Variants in TAX1BP1 observed in about 807,000 individuals in gnomAD.
The protein encoded by TAX1BP1 is tax1-binding protein 1.
Under a neutral mutation model 97.7 loss-of-function variants are expected in TAX1BP1, and 62 were observed. The ratio of observed to expected loss-of-function variants is 0.63; its 90% CI spans 0.52 to 0.78. The LOEUF is 0.78. Ranked by LOEUF, TAX1BP1 falls within the 30% of genes least tolerant of loss-of-function variation. The probability of loss-of-function intolerance (pLI) is 0.00; values close to 1 mark genes in which losing one functional copy is unlikely to be tolerated. For missense variants in TAX1BP1, 867 were observed against 916.1 expected (o/e 0.95, Z 0.69); for synonymous variants, 340 against 304.2 (o/e 1.12, Z -1.23).
intron 15 of TAX1BP1, among the ~76,000 whole-genome samples, chr7:27,825,458 C>G (rs1245929014): frequency 6.6e-6 from 1 of 152,104 alleles, no homozygotes; most frequent in Non-Finnish European, 1.5e-5. Flanking sequence ...TGCATACTCT[C>G]TGATTTCAAC....
chr7:27,824,102 C>T (rs1165634946), intron 15 of TAX1BP1, among the ~76,000 whole-genome samples: 2 of 152,102 alleles, frequency 1.3e-5, no homozygotes, highest in Admixed American at 6.6e-5. Flanking sequence ...CATATCTGTT[C>T]AAGTCCTTGC....
chr7:27,787,364 C>A, intron 7 of TAX1BP1, 54 bp from the exon 8 acceptor site: 2 of 1,428,574 alleles, frequency 1.4e-6, no homozygotes, highest in South Asian at 3.0e-5. Flanking sequence ...TAAACTTTGA[C>A]TAACTTAGGT....
At chr7:27,791,405 A>G (rs1011942742) in intron 8 of TAX1BP1, among the ~76,000 whole-genome samples, 1 of 152,200 alleles carries the variant, frequency 6.6e-6, no homozygotes, top group Non-Finnish European at 1.5e-5. Flanking sequence ...TTAGCTTTTT[A>G]AAGATACTTT....
intron 2 of TAX1BP1, among the ~76,000 whole-genome samples, chr7:27,750,880 G>A (rs1787995565): frequency 6.6e-6 from 1 of 152,050 alleles, no homozygotes; most frequent in South Asian, 2.1e-4. Context: ...CAAGACTATT[G>A]CAATAGGTCA....
chr7:27,772,515 AAT>A (rs1426540898), intron 5 of TAX1BP1: 7 of 152,106 alleles, frequency 4.6e-5, no homozygotes, highest in Non-Finnish European at 8.8e-5. Context: ...TTTATAAAAT[AAT>A]ATGACTAGCT....
intron 1 of TAX1BP1, among the ~76,000 whole-genome samples, chr7:27,743,459 ACT>A (rs1411111287): frequency 1.3e-5 from 2 of 152,206 alleles, no homozygotes; most frequent in African/African-American, 4.8e-5. Context: ...ACTTTCAGTA[ACT>A]CTATCAACCA....
chr7:27,766,439 A>ATCG (rs1788644273), intron 4 of TAX1BP1, among the ~76,000 whole-genome samples: 1 of 55,662 alleles, frequency 1.8e-5, no homozygotes, highest in African/African-American at 6.5e-5. Context: ...AAAAAAAAAA[A>ATCG]AAAAAAAAAA....
At chr7:27,822,386 C>T (rs1165541085) in intron 15 of TAX1BP1, among the ~76,000 whole-genome samples, 1 of 152,264 alleles carries the variant, frequency 6.6e-6, no homozygotes, top group Non-Finnish European at 1.5e-5. Flanking sequence ...TAGTGGAAAT[C>T]CTAGGAGTGG....
intron 13 of TAX1BP1, among the ~76,000 whole-genome samples, chr7:27,803,603 GTAT>G (rs1790225056): frequency 6.6e-6 from 1 of 152,190 alleles, no homozygotes; most frequent in Admixed American, 6.5e-5. Context: ...AACTGCTTGT[GTAT>G]TATTATGAAT....
chr7:27,778,008 T>C (rs1789102479), intron 5 of TAX1BP1, among the ~76,000 whole-genome samples: 2 of 152,210 alleles, frequency 1.3e-5, no homozygotes, highest in Non-Finnish European at 2.9e-5. Flanking sequence ...GAGAAATGTT[T>C]ATTTAGAGGA....
chr7:27,800,100 G>A lies in TAX1BP1; in HGVS notation c.1764+10G>A, dbSNP rs769330451. The A allele has an allele frequency of 1.3e-6, 2 of 1,561,680 alleles. No individual in the cohort carries two copies. The highest frequency in any genetic ancestry group is 1.7e-6 in the Non-Finnish European group (2 of 1,156,144). On this transcript the variant is annotated intron_variant, in intron 13 of 16. Transcript: ENST00000396319. ...ACAGGACAATTATAAAGTAAGTTTG[G>A]TACTCCTTGTATGTAAACTTAAGGC...
intron 13 of TAX1BP1, 50 bp downstream of exon 13, chr7:27,800,140 ATTAG>A: frequency 6.8e-7 from 1 of 1,468,498 alleles, no homozygotes; most frequent in Non-Finnish European, 9.1e-7. Flanking sequence ...ACTTCTGAAA[ATTAG>A]TTATGTATAA....
intron 8 of TAX1BP1, among the ~76,000 whole-genome samples, chr7:27,788,694 A>C (rs996176921): frequency 6.6e-6 from 1 of 151,940 alleles, no homozygotes. Flanking sequence ...GAACCTTTTC[A>C]AGCCTGCTTT....
chr7:27,759,384 G>C (rs1307301281), intron 3 of TAX1BP1, among the ~76,000 whole-genome samples: 1 of 152,062 alleles, frequency 6.6e-6, no homozygotes, highest in Non-Finnish European at 1.5e-5. Context: ...TAACATATAA[G>C]TAATTCCTGT....
At chr7:27,797,420 A>G (rs947769925) in intron 12 of TAX1BP1, among the ~76,000 whole-genome samples, 72 of 152,254 alleles carry the variant, frequency 4.7e-4, no homozygotes, top group African/African-American at 1.7e-3. Context: ...TCAATTTGGC[A>G]TAGAGAGGAA....
chr7:27,809,944 G>T, intron 13 of TAX1BP1, among the ~76,000 whole-genome samples: 1 of 150,784 alleles, frequency 6.6e-6, no homozygotes, highest in African/African-American at 2.4e-5. Context: ...ATCTTGCTCT[G>T]TCACCTAGGC....
In TAX1BP1 at chr7:27,816,531, T is replaced by C; in HGVS notation, c.1936+11T>C. On this transcript the variant is annotated intron_variant, in intron 14 of 16. Coordinates refer to ENST00000396319, the MANE Select transcript of TAX1BP1 (RefSeq NM_006024.7). ...CTCAGGAAACAAGAGGTTATTACAG[T>C]ATTTTTGGTTTGGGATTAGCTGCAT... The C allele has an allele frequency of 6.6e-7, 1 of 1,516,328 alleles. No homozygotes were observed. The highest frequency in any genetic ancestry group is 2.5e-5 in the East Asian group (1 of 39,720). The allele number at this position is 1,516,328 out of a possible 1,614,324, so 93.9% of individuals were successfully genotyped here.
chr7:27,756,514 T>C (rs1474645407), intron 2 of TAX1BP1, among the ~76,000 whole-genome samples: 1 of 152,174 alleles, frequency 6.6e-6, no homozygotes, highest in Non-Finnish European at 1.5e-5. Context: ...ATGAACTCAC[T>C]TAATACAGAC....
intron 13 of TAX1BP1, among the ~76,000 whole-genome samples, chr7:27,813,107 T>C (rs372231782): frequency 3.4e-4 from 52 of 151,950 alleles, no homozygotes; most frequent in Middle Eastern, 3.5e-3. Context: ...ATAATACGTC[T>C]TGAAATCAGG....
Sources: allele counts gnomAD v4.1 joint callset (sites outside exome capture counted in the v4.1 genomes callset), GRCh38; gene constraint gnomAD v4.1.1; transcripts MANE v1.5; gene names NCBI Gene and HGNC (gene_info 2026-07-23, HGNC 2026-07-21).